The following COL24A1 variants were observed in gnomAD, a reference collection of about 807,000 sequenced individuals.
The protein encoded by COL24A1 is collagen type XXIV alpha 1 chain.
Under a neutral mutation model 253.9 loss-of-function variants are expected in COL24A1, and 224 were observed. The ratio of observed to expected loss-of-function variants is 0.88; its 90% CI spans 0.79 to 0.99. The LOEUF is 0.99. Among genes scored for constraint, COL24A1 ranks in the 50% least tolerant of loss-of-function variants. The pLI is 0.00. For synonymous variants in COL24A1, 685 were observed against 673.7 expected, an observed-to-expected ratio of 1.02 and a Z score of -0.26; for missense variants, 2,131 against 2,068.5, an observed-to-expected ratio of 1.03 and a Z score of -0.59.
chr1:85,962,241 C>T (rs1435328247), intron 23 of COL24A1, among the ~76,000 whole-genome samples: 1 of 152,152 alleles, frequency 6.6e-6, no homozygotes, highest in Non-Finnish European at 1.5e-5. Context: ...GCTGGCATCA[C>T]TGGAGAAGTA....
chr1:85,948,063 T>C (rs1450646935), intron 24 of COL24A1, among the ~76,000 whole-genome samples: 1 of 152,230 alleles, frequency 6.6e-6, no homozygotes, highest in Admixed American at 6.5e-5. Context: ...TGAAGTCTCA[T>C]GCATATCTCC....
At chr1:85,950,697 C>T (rs747045837) in intron 24 of COL24A1, among the ~76,000 whole-genome samples, 65 of 151,956 alleles carry the variant, frequency 4.3e-4, no homozygotes, top group East Asian at 9.6e-4. Flanking sequence ...CGAATCATGG[C>T]GCTTAAAGGA....
chr1:85,833,245 T>G (rs994934915), intron 43 of COL24A1, among the ~76,000 whole-genome samples: 10 of 152,190 alleles, frequency 6.6e-5, no homozygotes, highest in South Asian at 6.2e-4. Context: ...ATATCCAGAA[T>G]CTACAATGAA....
intron 3 of COL24A1, among the ~76,000 whole-genome samples, chr1:86,121,421 A>G (rs992918450): frequency 6.6e-6 from 1 of 152,148 alleles, no homozygotes; most frequent in African/African-American, 2.4e-5. Context: ...ATTTACCAGA[A>G]GAGGAATTAC....
intron 2 of COL24A1, among the ~76,000 whole-genome samples, chr1:86,139,773 T>A (rs1417472347): frequency 6.6e-6 from 1 of 152,156 alleles, no homozygotes; most frequent in East Asian, 1.9e-4. Flanking sequence ...ATATGACTGT[T>A]TAAAATAAAA....
intron 43 of COL24A1, among the ~76,000 whole-genome samples, chr1:85,837,397 A>C (rs944018045): frequency 6.6e-6 from 1 of 152,208 alleles, no homozygotes; most frequent in African/African-American, 2.4e-5. Flanking sequence ...TATTAATGAT[A>C]GTTATCTATC....
chr1:86,046,376 G>A (rs544274742), intron 12 of COL24A1, among the ~76,000 whole-genome samples: 4 of 152,014 alleles, frequency 2.6e-5, no homozygotes, highest in African/African-American at 9.6e-5. Flanking sequence ...TCACTTTCCT[G>A]GATTTTTTTT....
At chr1:86,119,470 T>C (rs1003201661) in intron 3 of COL24A1, among the ~76,000 whole-genome samples, 1 of 152,144 alleles carries the variant, frequency 6.6e-6, no homozygotes, top group African/African-American at 2.4e-5. Context: ...ATACCTTTTT[T>C]ATGTTCTACA....
intron 25 of COL24A1, 109 bp downstream of exon 25, chr1:85,911,271 C>A (rs960688662): frequency 2.4e-6 from 2 of 842,610 alleles, no homozygotes; most frequent in African/African-American, 3.5e-5. Flanking sequence ...AGGTAATGTG[C>A]TAAAGTTATA....
At chr1:86,015,521 A>T (rs1696907650) in intron 19 of COL24A1, among the ~76,000 whole-genome samples, 2 of 152,118 alleles carry the variant, frequency 1.3e-5, no homozygotes. Context: ...ATGACTCAAA[A>T]CCATACTTAT....
At chr1:86,155,977 G>A (rs894297054) in intron 1 of COL24A1, 1 of 210,426 alleles carries the variant, frequency 4.8e-6, no homozygotes, top group African/African-American at 2.3e-5. Context: ...CCTGCGGGAG[G>A]AGAAGGGGAG....
chr1:85,825,416 T>A (rs556798966), intron 43 of COL24A1, among the ~76,000 whole-genome samples: 1 of 152,328 alleles, frequency 6.6e-6, no homozygotes, highest in Admixed American at 6.5e-5. Context: ...CAGCATGATT[T>A]ATAGTCCTTT....
At chr1:85,970,326 T>C in intron 21 of COL24A1, 55 bp from the exon 22 acceptor site, 1 of 1,421,922 alleles carries the variant, frequency 7.0e-7, no homozygotes, top group Non-Finnish European at 9.6e-7. Flanking sequence ...TATTTAAAAA[T>C]GTAAACTCTT....
chr1:85,939,837 C>T (rs1688575559), intron 24 of COL24A1, among the ~76,000 whole-genome samples: 1 of 152,028 alleles, frequency 6.6e-6, no homozygotes, highest in Non-Finnish European at 1.5e-5. Flanking sequence ...TGATGTAGCA[C>T]AGAGATTATA....
In COL24A1 at chr1:85,868,433, G is replaced by T; in HGVS notation, c.3300+86C>A. ...AATTATCCACTGGATATATAAGGAG[G>T]TCAGAGTGTGTGTAGGTTTGTGCAT... is the stretch of plus-strand genomic sequence containing the variant. On this transcript the variant is annotated intron_variant, in intron 37 of 59. Transcript: ENST00000370571. 3 of 868,410 alleles carry T rather than the reference G, an allele frequency of 3.5e-6. No individual in the cohort carries two copies. The East Asian group carries it at 7.5e-5, about 22-fold the overall frequency. 53.8% of individuals were successfully genotyped at this position (868,410 alleles called of 1,614,324 possible).
chr1:86,052,763 T>C (rs753297533), intron 10 of COL24A1, among the ~76,000 whole-genome samples: 1 of 152,058 alleles, frequency 6.6e-6, no homozygotes, highest in East Asian at 1.9e-4. Context: ...ATGTTCTTTA[T>C]TTTAAAAAGA....
At chr1:86,150,575 T>C (rs1458216180) in intron 1 of COL24A1, among the ~76,000 whole-genome samples, 1 of 152,086 alleles carries the variant, frequency 6.6e-6, no homozygotes, top group Non-Finnish European at 1.5e-5. Context: ...TCTTCTTTTT[T>C]TTCTTAATTT....
Position 85,775,781 on chromosome 1 carries a change from T to C in COL24A1, c.4339-72A>G, listed in dbSNP as rs571796429. 11 of 1,265,962 alleles carry C rather than the reference T, an allele frequency of 8.7e-6. No homozygotes were observed. In the South Asian group the frequency reaches 1.2e-4, roughly 14 times the overall value. The allele number at this position is 1,265,962 out of a possible 1,614,324, so 78.4% of individuals were successfully genotyped here. On this transcript the variant is annotated intron_variant, in intron 52 of 59. Transcript: ENST00000370571. ...GTATTAAATGTAGCTGAGGTCATTA[T>C]ATGTAGAAACATGACAATTTATATT...
chr1:86,152,465 T>C (rs1376374450), intron 1 of COL24A1, among the ~76,000 whole-genome samples: 2 of 152,232 alleles, frequency 1.3e-5, no homozygotes, highest in African/African-American at 4.8e-5. Flanking sequence ...TTTCATGTTT[T>C]GACTTGGGTC....
Sources: allele counts gnomAD v4.1 joint callset (sites outside exome capture counted in the v4.1 genomes callset), GRCh38; gene constraint gnomAD v4.1.1; transcripts MANE v1.5; gene names NCBI Gene and HGNC (gene_info 2026-07-23, HGNC 2026-07-21).